Variants in NCAM1 observed in about 807,000 individuals in gnomAD.
NCAM1 encodes antigen recognized by monoclonal antibody 5.1H11.
Under a neutral mutation model 109.8 loss-of-function variants are expected in NCAM1, and 14 were observed. That is an observed-to-expected ratio of 0.13 (90% CI 0.08 to 0.20). The LOEUF (loss-of-function observed/expected upper bound fraction) is 0.20, where lower values mean the gene tolerates loss of function less well. Among genes scored for constraint, NCAM1 ranks in the 10% least tolerant of loss-of-function variants. NCAM1 has a pLI of 1.00. For synonymous variants in NCAM1, 418 were observed against 442.9 expected (o/e 0.94, Z 0.70); for missense variants, 774 against 1,109.9 (o/e 0.70, Z 4.30).
At chr11:113,138,815 G>A (rs555897928) in intron 1 of NCAM1, among the ~76,000 whole-genome samples, 12 of 152,308 alleles carry the variant, frequency 7.9e-5, no homozygotes, top group South Asian at 6.2e-4. Context: ...TCATCCAGCC[G>A]AAACACAATT....
intron 15 of NCAM1, among the ~76,000 whole-genome samples, 188 bp downstream of exon 15, chr11:113,246,558 C>T (rs1945508268): frequency 6.6e-6 from 1 of 152,210 alleles, no homozygotes; most frequent in South Asian, 2.1e-4. Flanking sequence ...ATCATGACAA[C>T]CTTTGGTTTG....
At chr11:113,009,292 A>C (rs1325239163) in intron 1 of NCAM1, among the ~76,000 whole-genome samples, 2 of 123,302 alleles carry the variant, frequency 1.6e-5, no homozygotes, top group Non-Finnish European at 3.5e-5. Flanking sequence ...GGGCTGATTT[A>C]ATTGGAAGGG....
At chr11:113,028,201 A>G (rs1468855781) in intron 1 of NCAM1, among the ~76,000 whole-genome samples, 1 of 152,216 alleles carries the variant, frequency 6.6e-6, no homozygotes, top group Non-Finnish European at 1.5e-5. Context: ...TATGACCACA[A>G]AAAAATAAAG....
chr11:113,151,210 C>G (rs1463689494), intron 1 of NCAM1, among the ~76,000 whole-genome samples: 1 of 152,078 alleles, frequency 6.6e-6, no homozygotes, highest in Non-Finnish European at 1.5e-5. Context: ...AGGGGAATGG[C>G]CCTAACTTGA....
intron 1 of NCAM1, among the ~76,000 whole-genome samples, chr11:113,151,439 C>T (rs1009138770): frequency 5.3e-5 from 8 of 152,176 alleles, no homozygotes; most frequent in African/African-American, 9.7e-5. Flanking sequence ...ATACTCACTC[C>T]TGGGGAGGCT....
chr11:112,962,600 G>C lies in NCAM1; in HGVS notation c.52+936G>C, dbSNP rs936175152. ...GGCAAAGTGTGAACAATAGGGAGCT[G>C]GGAGGAAGACAGTAGTGATGCTGCC... On this transcript the variant is annotated intron_variant, in intron 1 of 19. Transcript: ENST00000316851. The surrounding 1 kb of genome is among the most constrained non-coding windows in gnomAD (Gnocchi z 5.6). 6.6e-6 allele frequency among the ~76,000 whole-genome samples: 1 copy of C among 152,164 alleles called. No individual in the cohort carries two copies. The highest frequency in any genetic ancestry group is 2.4e-5 in the African/African-American group (1 of 41,444).
intron 1 of NCAM1, among the ~76,000 whole-genome samples, chr11:113,073,821 A>C (rs1478163498): frequency 3.3e-5 from 5 of 152,204 alleles, no homozygotes; most frequent in Non-Finnish European, 7.3e-5. Flanking sequence ...TCTTCTGATC[A>C]ATTCATTTGC....
At chr11:112,970,881 C>CCAG (rs1185738756) in intron 1 of NCAM1, among the ~76,000 whole-genome samples, 3 of 151,928 alleles carry the variant, frequency 2.0e-5, no homozygotes, top group African/African-American at 7.3e-5. Context: ...AACAAAGCAA[C>CCAG]CAAGGGTAGA....
chr11:113,243,084 A>C, intron 14 of NCAM1: 3 of 690,128 alleles, frequency 4.3e-6, no homozygotes, highest in Non-Finnish European at 5.4e-6. Flanking sequence ...GTGCATGAGG[A>C]GGCTTTTCCA....
intron 1 of NCAM1, among the ~76,000 whole-genome samples, chr11:113,028,405 G>T (rs1216058524): frequency 1.3e-5 from 2 of 152,058 alleles, no homozygotes; most frequent in African/African-American, 4.8e-5. Context: ...CAGAGGACAT[G>T]AATCACACCT....
chr11:112,967,052 C>T (rs1950746476), intron 1 of NCAM1, among the ~76,000 whole-genome samples: 1 of 152,216 alleles, frequency 6.6e-6, no homozygotes, highest in African/African-American at 2.4e-5. Context: ...TCAAAGATTG[C>T]ATGGCTGATA....
chr11:113,237,724 G>A (rs1176959078), intron 14 of NCAM1, among the ~76,000 whole-genome samples: 1 of 152,154 alleles, frequency 6.6e-6, no homozygotes, highest in Non-Finnish European at 1.5e-5. Flanking sequence ...GGAAGGCTGG[G>A]ATGAGGCCCC....
chr11:112,969,138 G>A (rs971610643), intron 1 of NCAM1, among the ~76,000 whole-genome samples: 5 of 152,154 alleles, frequency 3.3e-5, no homozygotes, highest in Admixed American at 6.5e-5. Flanking sequence ...ATTAGATGGA[G>A]CAGGAAGAAG....
intron 1 of NCAM1, among the ~76,000 whole-genome samples, chr11:113,149,401 T>A (rs762628340): frequency 3.3e-5 from 5 of 152,102 alleles, no homozygotes; most frequent in Non-Finnish European, 5.9e-5. Context: ...GAAACCATTA[T>A]AATAATCCAA....
chr11:113,009,330 T>TTTTTTTTTTTTTTTTTTTTTTTC (rs1951979351), intron 1 of NCAM1, among the ~76,000 whole-genome samples: 1 of 140,498 alleles, frequency 7.1e-6, no homozygotes, highest in Non-Finnish European at 1.6e-5. Context: ...TTTTTTTTTT[T>TTTTTTTTTTTTTTTTTTTTTTTC]TTTTTTTTTT....
rs369498942 is a variant in NCAM1, at chr11:113,262,890, C to G, written c.2131+2567C>G. 2.5e-6 allele frequency: 4 copies of G among 1,613,784 alleles called. No individual in the cohort carries two copies. The African/African-American group carries it at 5.3e-5, about 22-fold the overall frequency. ...TGCATCCTACACCTTTGTCTCATTG[C>G]TTTTCTCTGCAGTGACTCTTCTTTT... is the stretch of plus-strand genomic sequence containing the variant. On this transcript the variant is annotated intron_variant, in intron 17 of 19. Transcript: ENST00000316851.
rs782006509 is a variant in NCAM1 at position 113,061,990 on chromosome 11, G to C, written c.52+100326G>C. ...TCTGTTGCTGTCACATCCAGAAAAT[G>C]TGCAACCTGGCATGAGTCTTAGGAG... On this transcript the variant is annotated intron_variant, in intron 1 of 19. Coordinates refer to ENST00000316851, the MANE Select transcript of NCAM1 (RefSeq NM_181351.5). 1.4e-4 allele frequency among the ~76,000 whole-genome samples: 22 copies of C among 152,146 alleles called. 1 individual carries two copies. Among genetic ancestry groups the C allele is most frequent in the South Asian group, 1.0e-3 (5 of 4,816 alleles).
intron 1 of NCAM1, among the ~76,000 whole-genome samples, chr11:113,008,314 C>T (rs797034504): frequency 4.6e-5 from 7 of 152,126 alleles, no homozygotes; most frequent in African/African-American, 1.7e-4. Flanking sequence ...GGTCACATGG[C>T]CATTTCTATG....
intron 1 of NCAM1, among the ~76,000 whole-genome samples, chr11:113,093,177 G>T (rs1555089684): frequency 1.3e-5 from 2 of 152,248 alleles, no homozygotes; most frequent in East Asian, 3.9e-4. Flanking sequence ...TTCATAACAT[G>T]GATCATCATC....
Sources: gnomAD v4.1 joint callset for allele counts (sites outside exome capture counted in the v4.1 genomes callset) on GRCh38, gnomAD v4.1.1 for gene constraint, Gnocchi (gnomAD v3.1) non-coding constraint, MANE v1.5 for transcripts, NCBI Gene and HGNC (gene_info 2026-07-23, HGNC 2026-07-21) for gene names.